The following NAV2 variants were observed in gnomAD, a reference collection of about 807,000 sequenced individuals.
NAV2 encodes helicase, APC down-regulated 1.
NAV2 carries 54 observed loss-of-function variants against 223.2 expected under a neutral mutation model. The ratio of observed to expected loss-of-function variants is 0.24; its 90% CI spans 0.19 to 0.30. The LOEUF is 0.30. Among genes scored for constraint, NAV2 ranks in the 10% least tolerant of loss-of-function variants. The pLI, the probability that NAV2 is intolerant of heterozygous loss-of-function variation, is 1.00. For missense variants in NAV2, 2,806 were observed against 3,147.5 expected (o/e 0.89, Z 2.60); for synonymous variants, 1,279 against 1,239.3 (o/e 1.03, Z -0.67).
intron 1 of NAV2, among the ~76,000 whole-genome samples, chr11:19,753,982 A>G (rs948661644): frequency 2.6e-5 from 4 of 152,232 alleles, no homozygotes; most frequent in Non-Finnish European, 5.9e-5. Context: ...GAGAGCTTCC[A>G]GGAAACCACG....
chr11:19,864,292 T>C (rs1010105650), intron 3 of NAV2, among the ~76,000 whole-genome samples: 1 of 152,226 alleles, frequency 6.6e-6, no homozygotes, highest in Non-Finnish European at 1.5e-5. Context: ...GTAGCACCCA[T>C]AGAGATGGTC....
At chr11:19,439,391 C>T (rs1851321732) in intron 1 of NAV2, among the ~76,000 whole-genome samples, 1 of 152,084 alleles carries the variant, frequency 6.6e-6, no homozygotes, top group African/African-American at 2.4e-5. Context: ...TTTTGTACAA[C>T]AAACCTCCTG....
At chr11:19,958,729 G>T (rs1463360600) in intron 10 of NAV2, among the ~76,000 whole-genome samples, 1 of 152,180 alleles carries the variant, frequency 6.6e-6, no homozygotes, top group Non-Finnish European at 1.5e-5. Context: ...AGCAGCGGTG[G>T]CACCTTGAGG....
At chr11:20,031,035 G>A (rs982777372) in intron 11 of NAV2, among the ~76,000 whole-genome samples, 1 of 151,974 alleles carries the variant, frequency 6.6e-6, no homozygotes, top group African/African-American at 2.4e-5. Flanking sequence ...AAGGGTAGTC[G>A]GTTTATCATC....
chr11:20,053,220 A>G (rs1256287275), intron 17 of NAV2, among the ~76,000 whole-genome samples: 71 of 5,266 alleles, frequency 0.013, no homozygotes, highest in Admixed American at 0.036. Flanking sequence ...TACGTCTCGA[A>G]AAAAAAAAAA....
chr11:20,081,582 G>A (rs990616278), intron 25 of NAV2, among the ~76,000 whole-genome samples: 1 of 152,130 alleles, frequency 6.6e-6, no homozygotes, highest in African/African-American at 2.4e-5. Context: ...TCAGGTGATG[G>A]CTTGTGTCCC....
At chr11:19,428,414 G>A (rs1850920016) in intron 1 of NAV2, among the ~76,000 whole-genome samples, 1 of 152,180 alleles carries the variant, frequency 6.6e-6, no homozygotes, top group African/African-American at 2.4e-5. Flanking sequence ...GCCTCACTGA[G>A]AATTAGCTCC....
intron 1 of NAV2, among the ~76,000 whole-genome samples, chr11:19,677,409 C>T (rs1226448260): frequency 6.6e-6 from 1 of 152,216 alleles, no homozygotes; most frequent in African/African-American, 2.4e-5. Flanking sequence ...GGGTGCCTCC[C>T]AAGCCCAGTG....
At chr11:19,792,651 A>G (rs933338288) in intron 1 of NAV2, among the ~76,000 whole-genome samples, 1 of 152,158 alleles carries the variant, frequency 6.6e-6, no homozygotes, top group Non-Finnish European at 1.5e-5. Flanking sequence ...GCTCTGGTTT[A>G]TGTCTCCCTT....
chr11:19,585,168 T>C (rs1020978186), intron 1 of NAV2, among the ~76,000 whole-genome samples: 5 of 152,222 alleles, frequency 3.3e-5, no homozygotes, highest in African/African-American at 1.2e-4. Flanking sequence ...TTTGTTGGTT[T>C]AAAGTCTGTT....
At chr11:19,625,829 C>T (rs1215171925) in intron 1 of NAV2, among the ~76,000 whole-genome samples, 2 of 151,882 alleles carry the variant, frequency 1.3e-5, no homozygotes, top group African/African-American at 4.8e-5. Flanking sequence ...TCATATATTT[C>T]TTGGCCATTT....
At chr11:19,708,947 G>A (rs2049765787), upstream of NAV2, among the ~76,000 whole-genome samples, 1 of 151,574 alleles carries the variant, frequency 6.6e-6, no homozygotes, top group South Asian at 2.1e-4. Context: ...TTAATACCTG[G>A]ATAGTGTATT....
Position 19,882,862 on chromosome 11 carries a change from G to T in NAV2, c.770+2735G>T, listed in dbSNP as rs561794437. ...TCATCCCTTCATCTTGCCCAGGTTG[G>T]GTTACTTCTGCAGAAGACTGGTTTT... On this transcript the variant is annotated intron_variant, in intron 5 of 37. Coordinates refer to ENST00000349880, the MANE Select transcript of NAV2 (RefSeq NM_145117.5). 3.0e-4 allele frequency among the ~76,000 whole-genome samples: 46 copies of T among 152,210 alleles called. No homozygotes were observed. The South Asian group carries it at 6.4e-3, about 21-fold the overall frequency.
chr11:19,506,587 G>A (rs2043130109), intron 1 of NAV2: 1 of 152,170 alleles, frequency 6.6e-6, no homozygotes. Context: ...GCACCTAGCA[G>A]GCACTCAATA....
At chr11:19,627,069 G>T (rs1220867588) in intron 1 of NAV2, among the ~76,000 whole-genome samples, 1 of 152,160 alleles carries the variant, frequency 6.6e-6, no homozygotes, top group Non-Finnish European at 1.5e-5. Context: ...GCAAGCTGAG[G>T]TGTGTATAAT....
chr11:19,513,927 G>T lies in NAV2; in HGVS notation c.75+162900G>T, dbSNP rs563502860. 2.6e-5 allele frequency among the ~76,000 whole-genome samples: 4 copies of T among 152,298 alleles called. No homozygotes were observed. The South Asian group carries it at 8.3e-4, about 32-fold the overall frequency. The stretch of plus-strand genomic sequence containing the variant: ...CCAGAAGCTAGGAAGATGCAAGGAA[G>T]AATTCTACCCTGAGCTCCAGAGGGA... On this transcript the variant is annotated intron_variant, in intron 1 of 37. Coordinates refer to the NAV2 transcript ENST00000360655.
intron 1 of NAV2, among the ~76,000 whole-genome samples, chr11:19,359,553 A>C (rs1392248433): frequency 6.6e-6 from 1 of 152,258 alleles, no homozygotes; most frequent in Non-Finnish European, 1.5e-5. Context: ...TGTGAGAGCA[A>C]GTAATGAGGA....
intron 2 of NAV2, among the ~76,000 whole-genome samples, chr11:19,841,954 G>A (rs1400788115): frequency 1.3e-5 from 2 of 152,180 alleles, no homozygotes; most frequent in Non-Finnish European, 1.5e-5. Context: ...TTTTATAGAT[G>A]AGGAAACTGT....
Position 19,933,423 on chromosome 11 carries a change from G to T in NAV2, c.1179G>T (p.Pro393=). 6.3e-7 allele frequency: 1 copy of T among 1,583,942 alleles called. No individual in the cohort carries two copies. The part of the protein sequence containing the change: ...APRPTPEAMK[P]APNNQKSMLE... ...GGCCCACACCTGAAGCCATGAAGCC[G>T]GCCCCCAACAATCAGAAGTCCATGC... Residue 393 remains proline, a synonymous_variant, in exon 7 of 38, where the codon CCG becomes CCT. Transcript: ENST00000349880. This position sits in a 1 kb window ranked among gnomAD's most constrained non-coding sequence, Gnocchi z 4.3.
Sources: gnomAD v4.1 joint callset for allele counts (sites outside exome capture counted in the v4.1 genomes callset) on GRCh38, gnomAD v4.1.1 for gene constraint, Gnocchi (gnomAD v3.1) non-coding constraint, MANE v1.5 for transcripts, NCBI Gene and HGNC (gene_info 2026-07-23, HGNC 2026-07-21) for gene names.